Variants in ITGAD observed in about 807,000 individuals in gnomAD.
ITGAD encodes integrin alpha-D.
ITGAD carries 105 observed loss-of-function variants against 139.0 expected under a neutral mutation model. The ratio of observed to expected loss-of-function variants is 0.76; its 90% CI spans 0.65 to 0.89. The LOEUF (loss-of-function observed/expected upper bound fraction) is 0.89, where lower values mean the gene tolerates loss of function less well. Ranked by LOEUF, ITGAD falls within the 40% of genes least tolerant of loss-of-function variation. ITGAD has a pLI of 0.00. For synonymous variants in ITGAD, 569 were observed against 598.3 expected, an observed-to-expected ratio of 0.95 and a Z score of 0.71; for missense variants, 1,384 against 1,487.3, an observed-to-expected ratio of 0.93 and a Z score of 1.14.
intron 29 of ITGAD, 103 bp downstream of exon 29, chr16:31,424,680 C>A: frequency 1.5e-6 from 1 of 675,514 alleles, no homozygotes; most frequent in Non-Finnish European, 2.4e-6. Flanking sequence ...TCACTGCAAC[C>A]TCCACCTCCC....
intron 7 of ITGAD, among the ~76,000 whole-genome samples, chr16:31,405,889 TG>T (rs1367050438): frequency 6.6e-6 from 1 of 152,154 alleles, no homozygotes; most frequent in Admixed American, 6.5e-5. Flanking sequence ...GAGAGCCTCC[TG>T]CCTCGGCCTC....
At chr16:31,416,685 C>T (rs1167099146) in intron 20 of ITGAD, 39 bp downstream of exon 20, 2 of 1,575,652 alleles carry the variant, frequency 1.3e-6, no homozygotes, top group East Asian at 4.5e-5. Context: ...GGGGGCCTCT[C>T]CCCTGCCCTG....
At position 31,394,361 on chromosome 16, in the gene ITGAD, C is replaced by T. The variant is rs747322095; in HGVS notation, c.137+20C>T. 6.4e-7 allele frequency: 1 copy of T among 1,563,216 alleles called. No individual in the cohort carries two copies. The highest frequency in any genetic ancestry group is 8.8e-7 in the Non-Finnish European group (1 of 1,134,530). On this transcript the variant is annotated intron_variant, in intron 2 of 29. Transcript: ENST00000389202. ...ATCTCGGTAGGCCCCACTCACCCTCCTTCCCCAACCTCCACTACATCAAGT... is the reference window on the plus strand; with the variant it reads ...ATCTCGGTAGGCCCCACTCACCCTCTTTCCCCAACCTCCACTACATCAAGT...
intron 2 of ITGAD, 48 bp downstream of exon 2, chr16:31,394,389 T>C (rs1185017746): frequency 7.1e-7 from 1 of 1,411,742 alleles, no homozygotes; most frequent in Admixed American, 1.7e-5. Context: ...CATCAAGTCC[T>C]GTGGATGGGT....
At position 31,407,646 on chromosome 16, in the gene ITGAD, G is replaced by T. The variant is rs778956636; in HGVS notation, c.836G>T (p.Gly279Val). 1 of 1,614,126 alleles carries T rather than the reference G, an allele frequency of 6.2e-7. No homozygotes were observed. Among genetic ancestry groups the T allele is most frequent in the South Asian group, 1.1e-5 (1 of 91,076 alleles). The change falls in exon 8 of 30, where the codon GGC (glycine) becomes GTC (valine). Residue 279 changes from glycine to valine, a missense_variant. By Grantham distance (109) the Gly-to-Val change is moderately radical (BLOSUM62 -3). Transcript: ENST00000389202. ...GTCATCCCCCAGGCAGAGAAGGCTG[G>T]CATCATCCGCTACGCTATCGGGGTG... ...SDVIPQAEKA[G>V]IIRYAIGVGH...
chr16:31,401,730 G>A (rs1021632343), intron 5 of ITGAD, among the ~76,000 whole-genome samples: 10 of 152,254 alleles, frequency 6.6e-5, no homozygotes, highest in Non-Finnish European at 1.5e-4. Flanking sequence ...GAGAAGTTAA[G>A]TAATGTGCCT....
chr16:31,407,111 T>G (rs1359047694), intron 7 of ITGAD, among the ~76,000 whole-genome samples: 1 of 152,200 alleles, frequency 6.6e-6, no homozygotes, highest in Non-Finnish European at 1.5e-5. Context: ...CCCAGCACTT[T>G]GGGAGGCTGA....
chr16:31,397,526 C>T (rs1597104857), intron 3 of ITGAD, 64 bp downstream of exon 3: 1 of 1,588,308 alleles, frequency 6.3e-7, no homozygotes, highest in East Asian at 2.3e-5. Flanking sequence ...CCCCGCTTAG[C>T]TTCCAGTCCA....
chr16:31,414,891 T>C lies in ITGAD; in HGVS notation c.2183T>C (p.Ile728Thr). 2.5e-6 allele frequency: 4 copies of C among 1,614,112 alleles called. No homozygotes were observed. The highest frequency in any genetic ancestry group is 3.4e-6 in the Non-Finnish European group (4 of 1,180,012). Reference protein sequence around the residue: ...DCVEDVVSPIILHLNFSLVRE... With the variant: ...DCVEDVVSPITLHLNFSLVRE... ...GTGGAGGATGTGGTGAGCCCCATCA[T>C]TCTGCACCTCAACTTCTCACTGGTG... Residue 728 changes from isoleucine (I) to threonine (T), a missense_variant, in exon 18 of 30, where the codon ATT becomes ACT. By Grantham distance (89) the Ile-to-Thr change is moderately conservative. Transcript: ENST00000389202.
At position 31,411,110 on chromosome 16, in the gene ITGAD, T is replaced by C; in HGVS notation, c.1391T>C (p.Val464Ala). The C allele has an allele frequency of 6.2e-7, 1 of 1,612,808 alleles. No individual in the cohort carries two copies. The highest frequency in any genetic ancestry group is 8.5e-7 in the Non-Finnish European group (1 of 1,179,732). The stretch of plus-strand genomic sequence containing the variant: ...TACTTCGGGGCCTCCCTCTGCTCTG[T>C]GGATGTGGACAGCGATGGCAGCACC... ...GSYFGASLCS[V>A]DVDSDGSTDL... is the part of the protein sequence containing the mutation. The change falls in exon 13 of 30, where the codon GTG (valine) becomes GCG (alanine). Residue 464 changes from valine (V) to alanine (A), a missense_variant. By Grantham distance (64) the Val-to-Ala change is moderately conservative. Coordinates refer to ENST00000389202, the MANE Select transcript of ITGAD (RefSeq NM_005353.3).
intron 16 of ITGAD, 71 bp downstream of exon 16, chr16:31,413,317 G>A (rs923899240): frequency 6.6e-7 from 1 of 1,522,070 alleles, no homozygotes; most frequent in Non-Finnish European, 9.0e-7. Flanking sequence ...CCTGAGGATG[G>A]GATGGGCCTA....
At chr16:31,397,972 G>A (rs375099669) in intron 5 of ITGAD, 63 bp downstream of exon 5, 13 of 1,276,450 alleles carry the variant, frequency 1.0e-5, no homozygotes, top group Admixed American at 2.0e-5. Context: ...GTGAGCAGGC[G>A]TGAGGCCTGT....
Position 31,393,390 on chromosome 16 carries a change from T to A in ITGAD, c.30T>A (p.Ser10Arg). Reference sequence around the variant, plus strand: ...CCTTCGGCACTGTGCTTCTTCTGAGTGGTAAGTGGGGCCAGGGTGCTGGGG... The same window carrying A: ...CCTTCGGCACTGTGCTTCTTCTGAGAGGTAAGTGGGGCCAGGGTGCTGGGG... MTFGTVLLL[S>R]VLASYHGFNL... Residue 10 changes from serine (S) to arginine (R), a missense_variant and splice_region_variant, in exon 1 of 30, where the codon AGT becomes AGA. Coordinates refer to ENST00000389202, the MANE Select transcript of ITGAD (RefSeq NM_005353.3). 6.2e-7 allele frequency: 1 copy of A among 1,613,746 alleles called. No individual in the cohort carries two copies. Among genetic ancestry groups the A allele is most frequent in the South Asian group, 1.1e-5 (1 of 91,058 alleles).
intron 2 of ITGAD, among the ~76,000 whole-genome samples, chr16:31,394,633 C>A (rs546750052): frequency 1.4e-4 from 21 of 152,226 alleles, no homozygotes; most frequent in Non-Finnish European, 2.5e-4. Context: ...CACTCATTAA[C>A]TTTGGAGTTT....
In ITGAD at chr16:31,416,765, A is replaced by T. The variant is rs553694226; in HGVS notation, c.2499+119A>T. The T allele has an allele frequency of 5.2e-4, 361 of 689,990 alleles. 1 individual carries two copies. The highest frequency in any genetic ancestry group is 5.7e-4 in the South Asian group (24 of 41,912). 42.7% of individuals were successfully genotyped at this position (689,990 alleles called of 1,614,324 possible). A position where few individuals can be genotyped will look rare whatever the true frequency, so the allele number is the denominator to read the frequency against. ...GATATGTGCTCTCTCTCTCTCTCTC[A>T]CACACACACACATACACACAGAGAA... On this transcript the variant is annotated intron_variant, in intron 20 of 29. Coordinates refer to ENST00000389202, the MANE Select transcript of ITGAD (RefSeq NM_005353.3).
At position 31,425,961 on chromosome 16, in the gene ITGAD, G is replaced by A. The variant is rs1389993106; in HGVS notation, c.3373-54G>A. On this transcript the variant is annotated intron_variant, in intron 29 of 29. Coordinates refer to ENST00000389202, the MANE Select transcript of ITGAD (RefSeq NM_005353.3). ...TTCCCACAGTGCTGAGATTACAGGT[G>A]TGAGCCACCGGGCCCGGACTTACCC... The A allele has an allele frequency of 8.4e-6, 10 of 1,186,000 alleles. No homozygotes were observed. In the African/African-American group the frequency reaches 1.1e-4, roughly 13 times the overall value. 73.5% of individuals were successfully genotyped at this position (1,186,000 alleles called of 1,614,324 possible). A position where few individuals can be genotyped will look rare whatever the true frequency, so the allele number is the denominator to read the frequency against.
At chr16:31,408,866 C>T (rs1355364890) in intron 10 of ITGAD, among the ~76,000 whole-genome samples, 1 of 152,182 alleles carries the variant, frequency 6.6e-6, no homozygotes, top group African/African-American at 2.4e-5. Flanking sequence ...TGAGGCAGGA[C>T]CCAGGTCCTC....
In ITGAD at chr16:31,411,351, G is replaced by A; in HGVS notation, c.1541G>A (p.Gly514Asp). ...QCDAVLRGEQGHPWGRFGAAL... is the reference protein window; with the variant it reads ...QCDAVLRGEQDHPWGRFGAAL... ...GACGCTGTTCTCCGTGGTGAGCAGGGCCACCCCTGGGGCCGCTTTGGGGCA... is the reference window on the plus strand; with the variant it reads ...GACGCTGTTCTCCGTGGTGAGCAGGACCACCCCTGGGGCCGCTTTGGGGCA... Residue 514 changes from glycine (G) to aspartate (D), a missense_variant, in exon 14 of 30, where the codon GGC becomes GAC. Coordinates refer to ENST00000389202, the MANE Select transcript of ITGAD (RefSeq NM_005353.3). 6.2e-7 allele frequency: 1 copy of A among 1,613,990 alleles called. No individual in the cohort carries two copies. Among genetic ancestry groups the A allele is most frequent in the Non-Finnish European group, 8.5e-7 (1 of 1,179,934 alleles).
intron 17 of ITGAD, 47 bp downstream of exon 17, chr16:31,414,652 G>A (rs1317718380): frequency 6.2e-6 from 10 of 1,610,768 alleles, no homozygotes; most frequent in Admixed American, 1.7e-5. Context: ...GGAGCCCAAG[G>A]CTGGCCTGGA....
Sources: allele counts gnomAD v4.1 joint callset (sites outside exome capture counted in the v4.1 genomes callset), GRCh38; gene constraint gnomAD v4.1.1; transcripts MANE v1.5; gene names NCBI Gene and HGNC (gene_info 2026-07-23, HGNC 2026-07-21).